Variants in AP1G1 observed in about 807,000 individuals in gnomAD.
The protein encoded by AP1G1 is AP-1 complex subunit gamma-1.
A neutral mutation model predicts 108.3 loss-of-function variants in AP1G1; 7 were observed. That is an observed-to-expected ratio of 0.06 (90% CI 0.04 to 0.12). The LOEUF (loss-of-function observed/expected upper bound fraction) is 0.12, where lower values mean the gene tolerates loss of function less well. Ranked by LOEUF, AP1G1 falls within the 10% of genes least tolerant of loss-of-function variation. The pLI, the probability that AP1G1 is intolerant of heterozygous loss-of-function variation, is 1.00. For synonymous variants in AP1G1, 379 were observed against 353.5 expected, an observed-to-expected ratio of 1.07 and a Z score of -0.81; for missense variants, 756 against 1,010.7, an observed-to-expected ratio of 0.75 and a Z score of 3.42.
intron 7 of AP1G1, 96 bp from the exon 8 acceptor site, chr16:71,764,822 A>T: frequency 1.4e-6 from 1 of 737,072 alleles, no homozygotes; most frequent in Non-Finnish European, 2.2e-6. Context: ...AAGTCTTAGA[A>T]ATTCATTTGG....
At position 71,741,888 on chromosome 16, in the gene AP1G1, G is replaced by C. The variant is rs111992776; in HGVS notation, c.2000-2547C>G. 7.0e-3 allele frequency among the ~76,000 whole-genome samples: 1,059 copies of C among 152,234 alleles called. 23 individuals carry two copies. The highest frequency in any genetic ancestry group is 0.024 in the African/African-American group (1,006 of 41,528). ...CTCCCTCAAATTTTCACTTTTCTTT[G>C]TCCTGTAAAAGTATAGCAAGGTAGT... On this transcript the variant is annotated intron_variant, in intron 19 of 22. Transcript: ENST00000299980.
Position 71,765,582 on chromosome 16 carries a change from A to G in AP1G1, c.645T>C (p.Leu215=). The part of the protein sequence containing the change: ...SPDMLAHFRK[L]VPQLVRILKN... ...TTAAAATACGAACTAATTGGGGCAC[A>G]AGCTGCAGAGAAGAAAGATGCATCA... Residue 215 remains leucine (L), a splice_region_variant and synonymous_variant, in exon 7 of 23, where the codon CTT becomes CTC. Coordinates refer to ENST00000299980, the MANE Select transcript of AP1G1 (RefSeq NM_001128.6). 1 of 1,609,252 alleles carries G rather than the reference A, an allele frequency of 6.2e-7. No homozygotes were observed. The highest frequency in any genetic ancestry group is 8.5e-7 in the Non-Finnish European group (1 of 1,175,716).
intron 11 of AP1G1, 135 bp downstream of exon 11, chr16:71,758,673 C>G (rs753526075): frequency 4.8e-6 from 3 of 627,258 alleles, no homozygotes; most frequent in Non-Finnish European, 5.7e-6. Context: ...TCTGTGAACA[C>G]AATGACTAAA....
chr16:71,766,365 T>TGA (rs2031312994), intron 6 of AP1G1: 1 of 429,030 alleles, frequency 2.3e-6, no homozygotes, highest in African/African-American at 2.1e-5. Flanking sequence ...CTTTACTTTA[T>TGA]CCATTAAGAG....
Position 71,769,212 on chromosome 16 carries a change from GGA to G in AP1G1, c.642+409_642+410del, listed in dbSNP as rs369327193. Among the ~76,000 whole-genome samples, 498 of 152,022 alleles carry G rather than the reference GGA, an allele frequency of 3.3e-3. 4 individuals are homozygous for G. Among genetic ancestry groups the G allele is most frequent in the African/African-American group, 0.011 (474 of 41,494 alleles). ...GCAGGAGAATCACTTGAACCCAGGA[GGA>G]GGAGGTTGCAGTGAGCTGAGATCAC... On this transcript the variant is annotated intron_variant, in intron 6 of 22. Transcript: ENST00000299980.
intron 2 of AP1G1, among the ~76,000 whole-genome samples, chr16:71,787,382 G>C (rs777366847): frequency 3.3e-4 from 50 of 151,328 alleles, no homozygotes; most frequent in Non-Finnish European, 6.8e-4. Context: ...CAGTCCCAGT[G>C]ACTCGAGAGG....
chr16:71,761,727 T>C (rs1379771488), intron 9 of AP1G1, among the ~76,000 whole-genome samples, 160 bp from the exon 10 acceptor site: 2 of 143,834 alleles, frequency 1.4e-5, no homozygotes, highest in Admixed American at 7.4e-5. Flanking sequence ...CCCAGAACTT[T>C]GGGAGGCCAA....
intron 19 of AP1G1, among the ~76,000 whole-genome samples, chr16:71,741,756 A>C (rs535754395): frequency 6.6e-6 from 1 of 152,352 alleles, no homozygotes; most frequent in African/African-American, 2.4e-5. Context: ...CTAAAAAATC[A>C]AATCGAGAAA....
At chr16:71,790,377 C>T (rs1290341757) in intron 1 of AP1G1, among the ~76,000 whole-genome samples, 1 of 151,940 alleles carries the variant, frequency 6.6e-6, no homozygotes, top group Non-Finnish European at 1.5e-5. Context: ...CCCATCTCTA[C>T]TAAAAATACA....
At chr16:71,803,390 T>TA (rs1054306861) in intron 1 of AP1G1, among the ~76,000 whole-genome samples, 1 of 152,162 alleles carries the variant, frequency 6.6e-6, no homozygotes, top group African/African-American at 2.4e-5. Context: ...GGCTTTTTTT[T>TA]AAAGTAAAAT....
chr16:71,777,534 G>C (rs1442473733), intron 2 of AP1G1: 1 of 308,454 alleles, frequency 3.2e-6, no homozygotes, highest in Non-Finnish European at 6.7e-6. Context: ...AGAGTGGCTG[G>C]ACTTGTCTGT....
chr16:71,749,844 T>C (rs1476419857), intron 15 of AP1G1, 50 bp downstream of exon 15: 21 of 1,476,382 alleles, frequency 1.4e-5, no homozygotes, highest in Admixed American at 1.7e-5. Context: ...TACTCTCCTA[T>C]AACCAAAACC....
chr16:71,769,556 A>G, intron 6 of AP1G1, 67 bp downstream of exon 6: 1 of 1,430,624 alleles, frequency 7.0e-7, no homozygotes. Context: ...TAAGAAGAAA[A>G]TCATGTACTT....
chr16:71,768,404 G>A (rs914163955), intron 6 of AP1G1, among the ~76,000 whole-genome samples: 2 of 146,568 alleles, frequency 1.4e-5, no homozygotes, highest in Non-Finnish European at 3.0e-5. Flanking sequence ...AGGAGGCTGA[G>A]GGAGGAGAAT....
Position 71,758,850 on chromosome 16 carries a change from G to C in AP1G1, c.1046C>G (p.Thr349Arg). ...DHNAVQRHRS[T>R]IVDCLKDLDV... ...CAAATCTTTAAGACAGTCCACAATTGTGCTTCTGTGCCTCTGTACTGCATT... is the reference window on the plus strand; with the variant it reads ...CAAATCTTTAAGACAGTCCACAATTCTGCTTCTGTGCCTCTGTACTGCATT... The change falls in exon 11 of 23, where the codon ACA becomes AGA. Residue 349 changes from threonine (T) to arginine (R), a missense_variant. Physicochemically the swap from Thr to Arg is moderately conservative, Grantham distance 71. Coordinates refer to ENST00000299980, the MANE Select transcript of AP1G1 (RefSeq NM_001128.6). 1 of 1,610,946 alleles carries C rather than the reference G, an allele frequency of 6.2e-7. No homozygotes were observed. The highest frequency in any genetic ancestry group is 8.5e-7 in the Non-Finnish European group (1 of 1,179,028).
chr16:71,793,747 C>G (rs572191552), intron 1 of AP1G1, among the ~76,000 whole-genome samples: 48 of 152,218 alleles, frequency 3.2e-4, no homozygotes, highest in African/African-American at 1.1e-3. Context: ...TGCAGTGGTG[C>G]GATCTCGGCT....
At chr16:71,805,827 C>T (rs2032979336) in intron 1 of AP1G1, among the ~76,000 whole-genome samples, 1 of 152,090 alleles carries the variant, frequency 6.6e-6, no homozygotes, top group South Asian at 2.1e-4. Flanking sequence ...TTGAGCCCAG[C>T]CTGGGCAACA....
At chr16:71,749,867 C>T in intron 15 of AP1G1, 27 bp downstream of exon 15, 2 of 1,549,410 alleles carry the variant, frequency 1.3e-6, no homozygotes, top group Non-Finnish European at 1.8e-6. Flanking sequence ...TATTTTCCCC[C>T]ACTTAACCAA....
intron 3 of AP1G1, 135 bp downstream of exon 3, chr16:71,774,333 G>A (rs1257974012): frequency 2.0e-5 from 17 of 860,146 alleles, no homozygotes; most frequent in Non-Finnish European, 3.0e-5. Context: ...CGGTGGCAGC[G>A]GAGGAGGATG....
Sources: gnomAD v4.1 joint callset for allele counts (sites outside exome capture counted in the v4.1 genomes callset) on GRCh38, gnomAD v4.1.1 for gene constraint, MANE v1.5 for transcripts, NCBI Gene and HGNC (gene_info 2026-07-23, HGNC 2026-07-21) for gene names.